Variants in FAM227B observed in about 807,000 individuals in gnomAD.
FAM227B encodes the protein protein FAM227B.
Under a neutral mutation model 73.8 loss-of-function variants are expected in FAM227B, and 88 were observed. That is an observed-to-expected ratio of 1.19 (90% CI 1.00 to 1.42). The LOEUF is 1.42. Among genes scored for constraint, FAM227B ranks in the 40% most tolerant of loss-of-function variants. FAM227B has a pLI of 0.00. For missense variants in FAM227B, 632 were observed against 590.9 expected (o/e 1.07, Z -0.72); for synonymous variants, 210 against 190.5 (o/e 1.10, Z -0.84).
intron 11 of FAM227B, among the ~76,000 whole-genome samples, chr15:49,394,694 G>A (rs1308404724): frequency 6.6e-6 from 1 of 152,096 alleles, no homozygotes; most frequent in African/African-American, 2.4e-5. Context: ...TTGAAGGTGA[G>A]TGCAAATAAA....
chr15:49,365,898 G>A (rs1463878547), intron 13 of FAM227B: 2 of 962,142 alleles, frequency 2.1e-6, no homozygotes, highest in East Asian at 4.8e-5. Context: ...CAGCAAGAGA[G>A]TTGTACAGAC....
At position 49,541,806 on chromosome 15, in the gene FAM227B, T is replaced by C. The variant is rs760336809; in HGVS notation, c.748A>G (p.Ile250Val). Residue 250 changes from isoleucine (I) to valine (V), a missense_variant and splice_region_variant, in exon 10 of 16, where the codon ATA (isoleucine) becomes GTA (valine). Transcript: ENST00000299338. ...PLSRKDAFFQ[I>V]YPDCLAQAIY... is the part of the protein sequence containing the mutation. ...GCTTGTGCCAAACAATCAGGATATA[T>C]CTACCAAAATAAAATCAAATTAGAT... 1.4e-6 allele frequency: 2 copies of C among 1,410,900 alleles called. No homozygotes were observed. The highest frequency in any genetic ancestry group is 3.0e-5 in the African/African-American group (2 of 67,666). The allele number at this position is 1,410,900 out of a possible 1,614,324, so 87.4% of individuals were successfully genotyped here. A position where few individuals can be genotyped will look rare whatever the true frequency, so the allele number is the denominator to read the frequency against.
At position 49,412,977 on chromosome 15, in the gene FAM227B, T is replaced by C. The variant is rs184141694; in HGVS notation, c.1013-41578A>G. Among the ~76,000 whole-genome samples, 121 of 152,252 alleles carry C rather than the reference T, an allele frequency of 7.9e-4. 2 individuals are homozygous for C. In the East Asian group the frequency reaches 0.022, roughly 28 times the overall value. ...GCCAAACTTTCCAGTTGTCTGATTT[T>C]CCCCTCTAATCCTGGTCTTCTCCCA... On this transcript the variant is annotated intron_variant, in intron 11 of 15. Coordinates refer to ENST00000299338, the MANE Select transcript of FAM227B (RefSeq NM_152647.3).
In FAM227B at chr15:49,425,586, G is replaced by C. The variant is rs542185078; in HGVS notation, c.1013-54187C>G. On this transcript the variant is annotated intron_variant, in intron 11 of 15. Coordinates refer to ENST00000299338, the MANE Select transcript of FAM227B (RefSeq NM_152647.3). Reference sequence around the variant, plus strand: ...TTGAAAAAGAATGCATGGGGAGACTGGTGTAAACATGTGCAAATCACAGTG... The same window carrying C: ...TTGAAAAAGAATGCATGGGGAGACTCGTGTAAACATGTGCAAATCACAGTG... 9 of 151,966 alleles carry C rather than the reference G, an allele frequency of 5.9e-5. No homozygotes were observed. The South Asian group carries it at 1.2e-3, about 21-fold the overall frequency. 9.4% of individuals were successfully genotyped at this position (151,966 alleles called of 1,614,324 possible). A position where few individuals can be genotyped will look rare whatever the true frequency, so the allele number is the denominator to read the frequency against.
intron 11 of FAM227B, among the ~76,000 whole-genome samples, chr15:49,426,301 T>C (rs966073956): frequency 7.9e-5 from 12 of 151,872 alleles, no homozygotes; most frequent in African/African-American, 2.9e-4. Flanking sequence ...TAAATACCCA[T>C]TGTATAATTA....
At chr15:49,597,526 A>T (rs1005553526) in intron 3 of FAM227B, among the ~76,000 whole-genome samples, 1 of 151,990 alleles carries the variant, frequency 6.6e-6, no homozygotes, top group East Asian at 1.9e-4. Context: ...CTGAAAGAGC[A>T]CAAGAAGACA....
chr15:49,543,572 CTT>C (rs1382120048), intron 9 of FAM227B, among the ~76,000 whole-genome samples: 3 of 152,150 alleles, frequency 2.0e-5, no homozygotes, highest in Non-Finnish European at 4.4e-5. Flanking sequence ...GTCATGAACT[CTT>C]TGCCTAAAGC....
At chr15:49,476,239 T>C (rs1597439857) in intron 11 of FAM227B, among the ~76,000 whole-genome samples, 1 of 149,344 alleles carries the variant, frequency 6.7e-6, no homozygotes, top group Admixed American at 6.7e-5. Context: ...TTGGTTTTTT[T>C]TTTTTTGCAT....
chr15:49,560,855 G>C (rs2152334236), intron 9 of FAM227B, among the ~76,000 whole-genome samples: 1 of 152,124 alleles, frequency 6.6e-6, no homozygotes, highest in South Asian at 2.1e-4. Flanking sequence ...CACTATACCA[G>C]CCTTATAAGA....
At chr15:49,362,326 C>G (rs1272783192) in intron 13 of FAM227B, among the ~76,000 whole-genome samples, 1 of 152,124 alleles carries the variant, frequency 6.6e-6, no homozygotes, top group Non-Finnish European at 1.5e-5. Context: ...CCTACCACCA[C>G]GTGAAGAAGG....
At chr15:49,567,153 T>C (rs2074722762) in intron 9 of FAM227B, among the ~76,000 whole-genome samples, 3 of 152,122 alleles carry the variant, frequency 2.0e-5, no homozygotes, top group South Asian at 2.1e-4. Flanking sequence ...TGAAAGAATA[T>C]GGGTAGCAGA....
At chr15:49,418,917 A>C (rs971943281) in intron 11 of FAM227B, among the ~76,000 whole-genome samples, 1 of 152,136 alleles carries the variant, frequency 6.6e-6, no homozygotes, top group African/African-American at 2.4e-5. Flanking sequence ...GTTTGGTAAA[A>C]AACTTAACTT....
intron 10 of FAM227B, among the ~76,000 whole-genome samples, chr15:49,536,959 A>T (rs1160153229): frequency 6.6e-6 from 1 of 152,108 alleles, no homozygotes; most frequent in African/African-American, 2.4e-5. Context: ...AAAGTCATAA[A>T]ACTTCTAAAT....
chr15:49,377,317 CA>C (rs1308922538), intron 11 of FAM227B, among the ~76,000 whole-genome samples: 2 of 152,042 alleles, frequency 1.3e-5, no homozygotes, highest in Non-Finnish European at 2.9e-5. Flanking sequence ...AACAGTGCTG[CA>C]ACATACAGGA....
chr15:49,402,159 T>A (rs934502017), intron 11 of FAM227B, among the ~76,000 whole-genome samples: 1 of 152,162 alleles, frequency 6.6e-6, no homozygotes, highest in Non-Finnish European at 1.5e-5. Context: ...ATAGTTCTTT[T>A]GTATACAAGC....
intron 11 of FAM227B, among the ~76,000 whole-genome samples, chr15:49,383,926 C>T (rs1203812349): frequency 6.6e-6 from 1 of 152,072 alleles, no homozygotes; most frequent in African/African-American, 2.4e-5. Flanking sequence ...ATACAGGAGA[C>T]ACCTGGCTTT....
chr15:49,577,458 C>T (rs971712207), intron 6 of FAM227B, among the ~76,000 whole-genome samples, 171 bp downstream of exon 6: 1 of 152,184 alleles, frequency 6.6e-6, no homozygotes, highest in African/African-American at 2.4e-5. Context: ...CTAGACTACA[C>T]ATAAGTAAAT....
intron 11 of FAM227B, among the ~76,000 whole-genome samples, chr15:49,494,500 T>G (rs189087354): frequency 2.0e-5 from 3 of 152,280 alleles, no homozygotes; most frequent in African/African-American, 7.2e-5. Flanking sequence ...GCTAGATTTA[T>G]ACATTGCACT....
intron 11 of FAM227B, among the ~76,000 whole-genome samples, chr15:49,469,158 A>G (rs1252991306): frequency 6.6e-6 from 1 of 152,164 alleles, no homozygotes; most frequent in Non-Finnish European, 1.5e-5. Flanking sequence ...TAAATGTAAA[A>G]TGGTACTTGA....
Sources: allele counts gnomAD v4.1 joint callset (sites outside exome capture counted in the v4.1 genomes callset), GRCh38; gene constraint gnomAD v4.1.1; transcripts MANE v1.5; gene names NCBI Gene and HGNC (gene_info 2026-07-23, HGNC 2026-07-21).